Variants in RNF17 observed in about 807,000 individuals in gnomAD.
The protein encoded by RNF17 is spermatogenesis associated 23.
RNF17 carries 31 observed loss-of-function variants against 200.5 expected under a neutral mutation model. The ratio of observed to expected loss-of-function variants is 0.15; its 90% CI spans 0.12 to 0.21. RNF17 has a LOEUF of 0.21. Among genes scored for constraint, RNF17 ranks in the 10% least tolerant of loss-of-function variants. The pLI is 1.00. For synonymous variants in RNF17, 606 were observed against 637.8 expected (o/e 0.95, Z 0.75); for missense variants, 1,628 against 1,905.1 (o/e 0.85, Z 2.71).
At chr13:24,749,120 C>G in the RNF17 span, among the ~76,000 whole-genome samples, 1 of 151,978 alleles carries the variant, frequency 6.6e-6, no homozygotes, top group African/African-American at 2.4e-5. Context: ...AAATTATTTC[C>G]CTTAAGTTCA....
At chr13:24,814,749 C>T (rs1887178109) in intron 15 of RNF17, among the ~76,000 whole-genome samples, 1 of 152,168 alleles carries the variant, frequency 6.6e-6, no homozygotes, top group Non-Finnish European at 1.5e-5. Context: ...GTTTTGATTA[C>T]TGTAGTTGTG....
Position 24,842,110 on chromosome 13 carries a change from C to T in RNF17, c.2552C>T (p.Thr851Ile), listed in dbSNP as rs559495991. The T allele has an allele frequency of 6.2e-7, 1 of 1,609,320 alleles. No homozygotes were observed. The change falls in exon 19 of 36, where the codon ACT becomes ATT. Residue 851 changes from threonine to isoleucine, a missense_variant. Thr to Ile is a moderately conservative substitution (Grantham distance 89, BLOSUM62 -1). This residue lies in a region of RNF17 where 227 missense variants were observed against 319.8 expected (regional missense o/e 0.71). Coordinates refer to ENST00000255324, the MANE Select transcript of RNF17 (RefSeq NM_031277.3). ...CTTGGTGCTCCTGAAATGACTACTA[C>T]TAGTATTAATGACCAGCTAGTTAAA... Reference protein sequence around the residue: ...DSLGAPEMTTTSINDQLVKEG... With the variant: ...DSLGAPEMTTISINDQLVKEG...
intron 27 of RNF17, among the ~76,000 whole-genome samples, chr13:24,862,103 G>T (rs1274944826): frequency 6.6e-6 from 1 of 152,146 alleles, no homozygotes; most frequent in African/African-American, 2.4e-5. Flanking sequence ...CCATGATCCA[G>T]TCACCTCCCA....
At chr13:24,885,132 C>T in the RNF17 span, 110,503 of 650,076 alleles carry the variant, frequency 0.17, 11,060 homozygotes, top group Admixed American at 0.3. Context: ...GATTGTATGC[C>T]GCCTTTTGCT....
intron 17 of RNF17, among the ~76,000 whole-genome samples, 168 bp from the exon 18 acceptor site, chr13:24,831,690 G>C (rs1036615427): frequency 5.9e-5 from 9 of 152,164 alleles, no homozygotes; most frequent in African/African-American, 2.2e-4. Context: ...TCAATGATTT[G>C]TGTTTATAAA....
the RNF17 span, among the ~76,000 whole-genome samples, chr13:24,888,071 T>C: frequency 6.6e-6 from 1 of 152,146 alleles, no homozygotes; most frequent in Non-Finnish European, 1.5e-5. Flanking sequence ...TGCATATATC[T>C]TTACTAAATT....
Position 24,793,118 on chromosome 13 carries a change from G to C in RNF17, c.1012G>C (p.Asp338His). 3 of 1,612,112 alleles carry C rather than the reference G, an allele frequency of 1.9e-6. No individual in the cohort carries two copies. The highest frequency in any genetic ancestry group is 2.5e-6 in the Non-Finnish European group (3 of 1,178,962). The change falls in exon 10 of 36, where the codon GAT becomes CAT. Residue 338 changes from aspartate to histidine, a missense_variant. Physicochemically the swap from Asp to His is moderately conservative, Grantham distance 81. Around this residue, in one of 5 missense-constraint regions of RNF17, gnomAD observed 502 missense variants for 501.7 expected, o/e 1.00. Coordinates refer to ENST00000255324, the MANE Select transcript of RNF17 (RefSeq NM_031277.3). ...YNNKKELSCYDTYPPLEKKKV... is the reference protein window; with the variant it reads ...YNNKKELSCYHTYPPLEKKKV... ...TAACAAAAAGGAACTTTCTTGTTAC[G>C]ATACATACCCACCGCTAGAAAAGAA...
intron 15 of RNF17, among the ~76,000 whole-genome samples, chr13:24,813,838 T>A (rs1341562977): frequency 1.1e-5 from 1 of 92,230 alleles, no homozygotes; most frequent in Admixed American, 1.2e-4. Flanking sequence ...TTTTTTTTTT[T>A]TTTTTTAGAG....
At chr13:24,810,213 G>A (rs1193068233) in intron 15 of RNF17, among the ~76,000 whole-genome samples, 4 of 147,638 alleles carry the variant, frequency 2.7e-5, no homozygotes, top group Non-Finnish European at 5.9e-5. Flanking sequence ...TTTCTGTCTC[G>A]TTGATCTGTC....
At chr13:24,819,444 G>A (rs1887779274) in intron 15 of RNF17, among the ~76,000 whole-genome samples, 1 of 152,134 alleles carries the variant, frequency 6.6e-6, no homozygotes, top group African/African-American at 2.4e-5. Flanking sequence ...TGGACATTTG[G>A]ATTGTCTGCT....
At chr13:24,759,571 G>A (rs1878515457), upstream of RNF17, among the ~76,000 whole-genome samples, 1 of 152,200 alleles carries the variant, frequency 6.6e-6, no homozygotes, top group Non-Finnish European at 1.5e-5. Context: ...TGTTGTAGTT[G>A]TCATCTCTAG....
chr13:24,772,722 T>C (rs1037187204), intron 2 of RNF17, among the ~76,000 whole-genome samples: 1 of 151,986 alleles, frequency 6.6e-6, no homozygotes, highest in Non-Finnish European at 1.5e-5. Context: ...GCCATTCTCC[T>C]GCCTCAGCCT....
In RNF17 at chr13:24,843,653, T is replaced by C. The variant is rs566603622; in HGVS notation, c.2604-91T>C. Reference sequence around the variant, plus strand: ...AATGAATTTTGACAAAATAGTCATATAAGTATCATCACAGTCAAGATACAG... The same window carrying C: ...AATGAATTTTGACAAAATAGTCATACAAGTATCATCACAGTCAAGATACAG... On this transcript the variant is annotated intron_variant, in intron 19 of 35. Transcript: ENST00000255324. 984 of 718,292 alleles carry C rather than the reference T, an allele frequency of 1.4e-3. 2 individuals carry two copies. Among genetic ancestry groups the C allele is most frequent in the Non-Finnish European group, 1.6e-3 (673 of 430,572 alleles). 44.5% of individuals were successfully genotyped at this position (718,292 alleles called of 1,614,324 possible).
the RNF17 span, chr13:24,885,505 A>ACTC: frequency 3.4e-6 from 4 of 1,182,280 alleles, no homozygotes; most frequent in Middle Eastern, 1.9e-4. Context: ...TTAAGTAAAA[A>ACTC]CTCTTTTTTA....
chr13:24,788,171 G>T lies in RNF17; in HGVS notation c.783+12G>T. On this transcript the variant is annotated intron_variant, in intron 7 of 35. Coordinates refer to ENST00000255324, the MANE Select transcript of RNF17 (RefSeq NM_031277.3). ...GTGACCTGAATCAGGTAATTTAATA[G>T]TTCACAATGTGAGTTATTTCTGTGG... 6.4e-7 allele frequency: 1 copy of T among 1,553,702 alleles called. No individual in the cohort carries two copies. The highest frequency in any genetic ancestry group is 2.2e-5 in the Admixed American group (1 of 46,132).
rs1884074399 is a variant in RNF17 at position 24,793,057 on chromosome 13, A to T, written c.951A>T (p.Glu317Asp). The change falls in exon 10 of 36, where the codon GAA (glutamate) becomes GAT (aspartate). Residue 317 changes from glutamate to aspartate, a missense_variant. Glu to Asp is a conservative substitution (Grantham distance 45). Around this residue, in one of 5 missense-constraint regions of RNF17, gnomAD observed 502 missense variants for 501.7 expected, o/e 1.00. Coordinates refer to ENST00000255324, the MANE Select transcript of RNF17 (RefSeq NM_031277.3). ...TTTTAAACAGATGTTATCCCCAAGA[A>T]AATGAAATTAGACAGAATGTTCAAA... Reference protein sequence around the residue: ...FRDSTKCYPQENEIRQNVQKK... With the variant: ...FRDSTKCYPQDNEIRQNVQKK... 1.9e-6 allele frequency: 3 copies of T among 1,576,588 alleles called. No individual in the cohort carries two copies. Among genetic ancestry groups the T allele is most frequent in the Non-Finnish European group, 2.6e-6 (3 of 1,159,182 alleles).
chr13:24,796,623 T>G (rs2137686095), intron 11 of RNF17, among the ~76,000 whole-genome samples: 1 of 152,304 alleles, frequency 6.6e-6, no homozygotes, highest in African/African-American at 2.4e-5. Flanking sequence ...AAGATGATTC[T>G]TGTGTAACTC....
the RNF17 span, among the ~76,000 whole-genome samples, chr13:24,754,706 A>G: frequency 1.3e-5 from 2 of 152,070 alleles, no homozygotes; most frequent in African/African-American, 2.4e-5. Flanking sequence ...CCTGGACAAC[A>G]TGGTGAGCCA....
chr13:24,763,727 G>A (rs1356103102), upstream of RNF17, among the ~76,000 whole-genome samples: 1 of 152,008 alleles, frequency 6.6e-6, no homozygotes, highest in Admixed American at 6.5e-5. Flanking sequence ...TCCTTAATTC[G>A]AAAGCGTTCA....
Sources: gnomAD v4.1 joint callset for allele counts (sites outside exome capture counted in the v4.1 genomes callset) on GRCh38, gnomAD v4.1.1 for gene constraint, gnomAD v4.1.1 regional missense constraint, MANE v1.5 for transcripts, NCBI Gene and HGNC (gene_info 2026-07-23, HGNC 2026-07-21) for gene names.